The following SCHIP1 variants were observed in gnomAD, a reference collection of about 807,000 sequenced individuals.
The protein encoded by SCHIP1 is schwannomin interacting protein 1.
Under a neutral mutation model 29.7 loss-of-function variants are expected in SCHIP1, and 8 were observed. The observed-to-expected ratio is 0.27, with a 90% CI of 0.16 to 0.49. The LOEUF is 0.49. Ranked by LOEUF, SCHIP1 falls within the 20% of genes least tolerant of loss-of-function variation. The pLI, the probability that SCHIP1 is intolerant of heterozygous loss-of-function variation, is 0.99. For synonymous variants in SCHIP1, 76 were observed against 94.9 expected (o/e 0.80, Z 1.16); for missense variants, 193 against 294.6 (o/e 0.66, Z 2.52).
intron 3 of SCHIP1, chr3:159,886,825 C>G (rs1717010483): frequency 1.3e-5 from 2 of 159,736 alleles, no homozygotes; most frequent in Admixed American, 1.3e-4. Context: ...GGGCAATTTA[C>G]AAAAGAAAGA....
chr3:159,442,523 A>C, the SCHIP1 span, among the ~76,000 whole-genome samples: 18 of 152,184 alleles, frequency 1.2e-4, no homozygotes, highest in Non-Finnish European at 2.6e-4. Flanking sequence ...AGCGTTTTAC[A>C]TGAAAAGGAA....
At chr3:159,467,887 C>A in the SCHIP1 span, among the ~76,000 whole-genome samples, 1 of 152,020 alleles carries the variant, frequency 6.6e-6, no homozygotes, top group African/African-American at 2.4e-5. Context: ...CTAATTTAAT[C>A]CCTTCTATGC....
the SCHIP1 span, among the ~76,000 whole-genome samples, chr3:159,366,063 C>T: frequency 6.6e-6 from 1 of 152,140 alleles, no homozygotes; most frequent in African/African-American, 2.4e-5. Context: ...ACAGGCTTTA[C>T]AGGAAGCATG....
the SCHIP1 span, among the ~76,000 whole-genome samples, chr3:159,342,457 A>G: frequency 3.9e-5 from 6 of 152,228 alleles, no homozygotes; most frequent in Admixed American, 3.9e-4. Flanking sequence ...CTGATCCAAA[A>G]TAAACACTGT....
At chr3:159,693,143 G>A in the SCHIP1 span, among the ~76,000 whole-genome samples, 6 of 152,216 alleles carry the variant, frequency 3.9e-5, no homozygotes, top group South Asian at 2.1e-4. Flanking sequence ...ATATCACCCC[G>A]AATATCAGTA....
At chr3:159,746,412 G>T in the SCHIP1 span, among the ~76,000 whole-genome samples, 6 of 152,040 alleles carry the variant, frequency 3.9e-5, no homozygotes, top group Non-Finnish European at 7.4e-5. Context: ...CAACACTAAT[G>T]ATCTGCACTC....
the SCHIP1 span, among the ~76,000 whole-genome samples, chr3:159,292,974 C>T: frequency 1.3e-5 from 2 of 152,062 alleles, no homozygotes; most frequent in Non-Finnish European, 2.9e-5. Context: ...AGTTGATTGT[C>T]AATACGGGGC....
chr3:159,663,231 G>A, the SCHIP1 span, among the ~76,000 whole-genome samples: 4 of 152,124 alleles, frequency 2.6e-5, no homozygotes, highest in African/African-American at 9.7e-5. Context: ...ATGTCCTTGA[G>A]GCCATTCACT....
chr3:159,448,435 C>T, the SCHIP1 span, among the ~76,000 whole-genome samples: 10 of 152,224 alleles, frequency 6.6e-5, no homozygotes, highest in Admixed American at 3.3e-4. Flanking sequence ...TACACCACTG[C>T]ACTCCAGAAT....
chr3:159,679,173 G>T, the SCHIP1 span, among the ~76,000 whole-genome samples: 2 of 152,088 alleles, frequency 1.3e-5, no homozygotes, highest in Non-Finnish European at 2.9e-5. Context: ...CCATGTGAAG[G>T]TGATTTCAAC....
the SCHIP1 span, among the ~76,000 whole-genome samples, chr3:159,313,412 G>A: frequency 6.6e-6 from 1 of 152,086 alleles, no homozygotes; most frequent in Non-Finnish European, 1.5e-5. Context: ...CATTTTGTTG[G>A]CACAAATGCC....
At chr3:159,742,814 C>T in the SCHIP1 span, among the ~76,000 whole-genome samples, 1 of 151,288 alleles carries the variant, frequency 6.6e-6, no homozygotes, top group African/African-American at 2.4e-5. Context: ...ATTACAGGTG[C>T]CTGCCACCAC....
At chr3:159,392,720 C>T in the SCHIP1 span, among the ~76,000 whole-genome samples, 2 of 151,848 alleles carry the variant, frequency 1.3e-5, no homozygotes, top group African/African-American at 4.8e-5. Flanking sequence ...CATTGTTGGA[C>T]ATTTGGGTTG....
At chr3:159,328,770 G>T in the SCHIP1 span, among the ~76,000 whole-genome samples, 1 of 152,166 alleles carries the variant, frequency 6.6e-6, no homozygotes, top group African/African-American at 2.4e-5. Context: ...TCAGCGAATG[G>T]TTTTAAACAA....
intron 2 of SCHIP1, among the ~76,000 whole-genome samples, chr3:159,872,723 A>T (rs1715410910): frequency 6.6e-6 from 1 of 152,218 alleles, no homozygotes; most frequent in Non-Finnish European, 1.5e-5. Context: ...TCTAAGAAAT[A>T]TCACTTTATC....
At chr3:159,764,892 G>A in the SCHIP1 span, 2 of 1,571,442 alleles carry the variant, frequency 1.3e-6, no homozygotes, top group Non-Finnish European at 8.6e-7. This position sits in a 1 kb window ranked among gnomAD's most constrained non-coding sequence, Gnocchi z 6.1. Flanking sequence ...TGGCTGGCCG[G>A]CCGAGCTGTT....
At chr3:159,823,688 A>G in the SCHIP1 span, among the ~76,000 whole-genome samples, 9 of 152,118 alleles carry the variant, frequency 5.9e-5, no homozygotes, top group Admixed American at 4.6e-4. Context: ...CTGAAAACCT[A>G]TGTAATTCTC....
intron 2 of SCHIP1, among the ~76,000 whole-genome samples, chr3:159,877,057 C>A (rs747857991): frequency 3.3e-5 from 5 of 152,176 alleles, no homozygotes; most frequent in Non-Finnish European, 5.9e-5. Flanking sequence ...TGAGATACAT[C>A]CCTATTTTAG....
chr3:159,599,119 G>T, the SCHIP1 span, among the ~76,000 whole-genome samples: 31 of 152,050 alleles, frequency 2.0e-4, 1 homozygote, highest in East Asian at 5.6e-3. Flanking sequence ...AAAAGATGAG[G>T]GGTTTTTGTT....
Sources: gnomAD v4.1 joint callset for allele counts (sites outside exome capture counted in the v4.1 genomes callset) on GRCh38, gnomAD v4.1.1 for gene constraint, Gnocchi (gnomAD v3.1) non-coding constraint, MANE v1.5 for transcripts, NCBI Gene and HGNC (gene_info 2026-07-23, HGNC 2026-07-21) for gene names.